The following FAM117B variants were observed in gnomAD, a reference collection of about 807,000 sequenced individuals.
The protein encoded by FAM117B is protein FAM117B.
In FAM117B, 22 loss-of-function variants were observed where a neutral mutation model predicts 52.8. That is an observed-to-expected ratio of 0.42 (90% CI 0.30 to 0.59). The LOEUF (loss-of-function observed/expected upper bound fraction) is 0.59, where lower values mean the gene tolerates loss of function less well. FAM117B is among the 20% of genes least tolerant of loss of function. The pLI, the probability that FAM117B is intolerant of heterozygous loss-of-function variation, is 0.22. For synonymous variants in FAM117B, 309 were observed against 324.1 expected, an observed-to-expected ratio of 0.95 and a Z score of 0.50; for missense variants, 678 against 802.6, an observed-to-expected ratio of 0.84 and a Z score of 1.88.
intron 7 of FAM117B, among the ~76,000 whole-genome samples, chr2:202,764,680 G>GT (rs1027337040): frequency 4.6e-5 from 7 of 152,060 alleles, no homozygotes; most frequent in African/African-American, 7.2e-5. Flanking sequence ...TAACAATGTA[G>GT]TTTTTTTATA....
chr2:202,734,455 T>A (rs1209120997), intron 4 of FAM117B, among the ~76,000 whole-genome samples: 3 of 152,186 alleles, frequency 2.0e-5, no homozygotes, highest in Non-Finnish European at 4.4e-5. Context: ...TAAAGAAATG[T>A]CAACCAACAT....
chr2:202,676,751 C>T (rs150019064), intron 1 of FAM117B, among the ~76,000 whole-genome samples: 108 of 152,178 alleles, frequency 7.1e-4, no homozygotes, highest in African/African-American at 2.2e-3. Flanking sequence ...ATAAAAATTT[C>T]GATGCCTGCA....
At chr2:202,727,675 A>G (rs916419383) in intron 4 of FAM117B, among the ~76,000 whole-genome samples, 4 of 152,166 alleles carry the variant, frequency 2.6e-5, no homozygotes, top group Non-Finnish European at 5.9e-5. Flanking sequence ...GCCATTTTAT[A>G]TAAGGGACTT....
At chr2:202,680,563 C>T (rs1433355072) in intron 1 of FAM117B, among the ~76,000 whole-genome samples, 3 of 151,734 alleles carry the variant, frequency 2.0e-5, no homozygotes, top group African/African-American at 7.3e-5. Flanking sequence ...TGGCTGAAAA[C>T]CAGTGATAAA....
At chr2:202,635,888 C>A in intron 1 of FAM117B, 100 bp downstream of exon 1, 1 of 1,223,618 alleles carries the variant, frequency 8.2e-7, no homozygotes, top group Middle Eastern at 3.2e-4. Flanking sequence ...GCCGCGGAGC[C>A]CGGGTGGCTG....
chr2:202,726,332 A>C lies in FAM117B; in HGVS notation c.929A>C (p.His310Pro), dbSNP rs746090581. The C allele has an allele frequency of 6.2e-7, 1 of 1,613,820 alleles. No individual in the cohort carries two copies. The highest frequency in any genetic ancestry group is 8.5e-7 in the Non-Finnish European group (1 of 1,179,888). ...GATAAAGAAAGACAGTCTCCATTTCATGGCAACCATGCAGCTATTAACCAG... is the reference window on the plus strand; with the variant it reads ...GATAAAGAAAGACAGTCTCCATTTCCTGGCAACCATGCAGCTATTAACCAG... ...HRDKERQSPF[H>P]GNHAAINQCQ... is the part of the protein sequence containing the mutation. Residue 310 changes from histidine to proline, a missense_variant, in exon 4 of 8, where the codon CAT becomes CCT. His to Pro is a moderately conservative substitution (Grantham distance 77, BLOSUM62 -2). Transcript: ENST00000392238.
chr2:202,714,533 CT>C (rs1034689626), intron 2 of FAM117B, among the ~76,000 whole-genome samples: 162 of 117,650 alleles, frequency 1.4e-3, no homozygotes, highest in African/African-American at 4.1e-3. Context: ...TTTTTTTTTT[CT>C]TTTTTTTTTT....
At chr2:202,736,218 T>G (rs1304812050) in intron 4 of FAM117B, among the ~76,000 whole-genome samples, 1 of 152,220 alleles carries the variant, frequency 6.6e-6, no homozygotes, top group East Asian at 1.9e-4. Context: ...TTTTTAAAAG[T>G]TTTTTGCCGT....
intron 1 of FAM117B, among the ~76,000 whole-genome samples, chr2:202,677,533 G>T (rs116333381): frequency 5.3e-5 from 8 of 151,934 alleles, no homozygotes; most frequent in Admixed American, 3.9e-4. Context: ...TGTATTTCTC[G>T]CTAGGCTATG....
intron 1 of FAM117B, among the ~76,000 whole-genome samples, chr2:202,684,138 A>C (rs994610810): frequency 5.9e-5 from 9 of 152,282 alleles, no homozygotes; most frequent in African/African-American, 2.2e-4. Context: ...AAGTGCTGGG[A>C]TTACTGGTGT....
At chr2:202,704,220 A>G (rs1465206687) in intron 2 of FAM117B, among the ~76,000 whole-genome samples, 2 of 152,222 alleles carry the variant, frequency 1.3e-5, no homozygotes, top group Non-Finnish European at 2.9e-5. Flanking sequence ...AAAACATATA[A>G]AACTCTCGGA....
intron 6 of FAM117B, 75 bp downstream of exon 6, chr2:202,757,513 C>G (rs752230709): frequency 7.0e-7 from 1 of 1,420,118 alleles, no homozygotes; most frequent in Non-Finnish European, 9.8e-7. Context: ...TATTCATTTT[C>G]TAGCAGAACA....
chr2:202,725,083 G>A, intron 3 of FAM117B, 74 bp downstream of exon 3: 3 of 1,109,320 alleles, frequency 2.7e-6, no homozygotes, highest in Non-Finnish European at 3.9e-6. Context: ...GATATTATGG[G>A]CAGCAAGGAT....
At chr2:202,739,962 A>G (rs1691497825) in intron 4 of FAM117B, among the ~76,000 whole-genome samples, 1 of 151,822 alleles carries the variant, frequency 6.6e-6, no homozygotes, top group Non-Finnish European at 1.5e-5. Flanking sequence ...ACTTGAGGTC[A>G]GGAGTTTGAG....
rs79341426 is a variant in FAM117B, at chr2:202,688,846, A to T, written c.602-7035A>T. Among the ~76,000 whole-genome samples the T allele has an allele frequency of 5.9e-5, 9 of 152,286 alleles. No individual in the cohort carries two copies. In the East Asian group the frequency reaches 1.7e-3, roughly 29 times the overall value. On this transcript the variant is annotated intron_variant, in intron 1 of 7. Transcript: ENST00000392238. ...CTGTTATCTTGAATATAGTAATTTGATATCTAGAAACTTTTCACGAACAGA... is the reference window on the plus strand; with the variant it reads ...CTGTTATCTTGAATATAGTAATTTGTTATCTAGAAACTTTTCACGAACAGA...
At position 202,716,051 on chromosome 2, in the gene FAM117B, C is replaced by T. The variant is rs571818800; in HGVS notation, c.754-8866C>T. Reference sequence around the variant, plus strand: ...GCAGCAGTACAGTCCAGCTTTGGCTCGGCATCAGAGGGAGACCGTGGAAAG... The same window carrying T: ...GCAGCAGTACAGTCCAGCTTTGGCTTGGCATCAGAGGGAGACCGTGGAAAG... On this transcript the variant is annotated intron_variant, in intron 2 of 7. Coordinates refer to ENST00000392238, the MANE Select transcript of FAM117B (RefSeq NM_173511.4). Among the ~76,000 whole-genome samples the T allele has an allele frequency of 5.9e-5, 9 of 152,210 alleles. No individual in the cohort carries two copies. In the South Asian group the frequency reaches 6.2e-4, roughly 11 times the overall value.
chr2:202,723,440 A>T (rs1691182919), intron 2 of FAM117B, among the ~76,000 whole-genome samples: 1 of 152,150 alleles, frequency 6.6e-6, no homozygotes, highest in Non-Finnish European at 1.5e-5. Flanking sequence ...TTTCTTTGTT[A>T]CCATCTATTT....
chr2:202,735,371 C>T (rs910031147), intron 4 of FAM117B, among the ~76,000 whole-genome samples: 6 of 152,144 alleles, frequency 3.9e-5, no homozygotes, highest in African/African-American at 1.4e-4. Flanking sequence ...AAATTAATCT[C>T]TTAACATTGA....
chr2:202,635,920 C>T (rs1201788216), intron 1 of FAM117B, 132 bp downstream of exon 1: 27 of 934,242 alleles, frequency 2.9e-5, no homozygotes, highest in Non-Finnish European at 3.4e-5. Flanking sequence ...GGGGGCGGTG[C>T]CGGGCGGTGG....
Sources: gnomAD v4.1 joint callset for allele counts (sites outside exome capture counted in the v4.1 genomes callset) on GRCh38, gnomAD v4.1.1 for gene constraint, MANE v1.5 for transcripts, NCBI Gene and HGNC (gene_info 2026-07-23, HGNC 2026-07-21) for gene names.